Variants in LYSMD3 observed in about 807,000 individuals in gnomAD.
LYSMD3 encodes lysM and putative peptidoglycan-binding domain-containing protein 3.
In LYSMD3, 13 loss-of-function variants were observed where a neutral mutation model predicts 26.1. That is an observed-to-expected ratio of 0.50 (90% CI 0.32 to 0.79). The LOEUF is 0.79. Among genes scored for constraint, LYSMD3 ranks in the 30% least tolerant of loss-of-function variants. LYSMD3 has a pLI of 0.03. For synonymous variants in LYSMD3, 109 were observed against 119.4 expected (o/e 0.91, Z 0.57); for missense variants, 331 against 362.5 (o/e 0.91, Z 0.71).
chr5:90,527,411 ATT>A (rs71614754), intron 1 of LYSMD3, among the ~76,000 whole-genome samples: 61 of 140,644 alleles, frequency 4.3e-4, no homozygotes, highest in African/African-American at 1.1e-3. Context: ...TATTAATGGT[ATT>A]TTTTTTTTTT....
chr5:90,528,749 A>G (rs1042539690), intron 1 of LYSMD3, among the ~76,000 whole-genome samples: 5 of 152,188 alleles, frequency 3.3e-5, no homozygotes, highest in Non-Finnish European at 7.3e-5. Flanking sequence ...CCCTTTCAGA[A>G]ACTTGGAACA....
rs183887086 is a variant in LYSMD3, at chr5:90,522,576, T to C, written c.255+2459A>G. Among the ~76,000 whole-genome samples the C allele has an allele frequency of 3.2e-4, 49 of 152,330 alleles. 1 individual carries two copies. The highest frequency in any genetic ancestry group is 2.7e-3 in the Admixed American group (42 of 15,296). On this transcript the variant is annotated intron_variant, in intron 2 of 2. Coordinates refer to ENST00000315948, the MANE Select transcript of LYSMD3 (RefSeq NM_198273.2). ...TTTATTATTCCAGTAATCTCTTTAT[T>C]GGATCCCCTTCAATTCATCAGCAGG... is the stretch of plus-strand genomic sequence containing the variant.
chr5:90,518,699 TA>T lies in LYSMD3; in HGVS notation c.*119del, dbSNP rs1269178113. The T allele has an allele frequency of 9.3e-6, 10 of 1,078,456 alleles. No individual in the cohort carries two copies. The highest frequency in any genetic ancestry group is 1.3e-5 in the Non-Finnish European group (10 of 762,178). 66.8% of individuals were successfully genotyped at this position (1,078,456 alleles called of 1,614,324 possible). A position where few individuals can be genotyped will look rare whatever the true frequency, so the allele number is the denominator to read the frequency against. On this transcript the variant is annotated 3_prime_UTR_variant, in exon 3 of 3. Transcript: ENST00000315948. ...TTTTCAAAGTGTGAAACCCTTTTGT[TA>T]AAAACAAAAGCATCCTCAATCTCTC...
At chr5:90,520,817 G>T (rs1753071718) in intron 2 of LYSMD3, among the ~76,000 whole-genome samples, 1 of 152,034 alleles carries the variant, frequency 6.6e-6, no homozygotes, top group Non-Finnish European at 1.5e-5. Context: ...TACTCCGGAG[G>T]CTGAGGCAGG....
chr5:90,518,666 T>G lies in LYSMD3; in HGVS notation c.*153A>C, dbSNP rs183959778. ...GCTCTCAACATCAACAACTAGTTGC[T>G]CAAAAAATTTTCAAAGTGTGAAACC... is the stretch of plus-strand genomic sequence containing the variant. On this transcript the variant is annotated 3_prime_UTR_variant, in exon 3 of 3. Transcript: ENST00000315948. The G allele has an allele frequency of 1.2e-5, 8 of 655,062 alleles. No individual in the cohort carries two copies. In the African/African-American group the frequency reaches 1.3e-4, roughly 10 times the overall value. The allele number at this position is 655,062 out of a possible 1,614,324, so 40.6% of individuals were successfully genotyped here. A position where few individuals can be genotyped will look rare whatever the true frequency, so the allele number is the denominator to read the frequency against.
In LYSMD3 at chr5:90,519,197, G is replaced by T. The variant is rs938277951; in HGVS notation, c.543C>A (p.Asn181Lys). 7 of 1,613,822 alleles carry T rather than the reference G, an allele frequency of 4.3e-6. No homozygotes were observed. The Admixed American group carries it at 1.0e-4, about 23-fold the overall frequency. Residue 181 changes from asparagine to lysine, a missense_variant, in exon 3 of 3, where the codon AAC (asparagine) becomes AAA (lysine). Asn to Lys is a moderately conservative substitution (Grantham distance 94). This residue lies in a region of LYSMD3 where 262 missense variants were observed against 267.3 expected (regional missense o/e 0.98). Coordinates refer to ENST00000315948, the MANE Select transcript of LYSMD3 (RefSeq NM_198273.2). ...TTAAGGCCGATACTACCTCATTGAG[G>T]TTCTCTCTCTTATTGTCTGTACACT... ...IVKCTDNKRE[N>K]LNEVVSALTA...
rs1752954716 is a variant in LYSMD3 at position 90,516,542 on chromosome 5, A to T, written c.*2277T>A. 1 of 152,158 alleles carries T rather than the reference A, an allele frequency of 6.6e-6. No individual in the cohort carries two copies. Among genetic ancestry groups the T allele is most frequent in the African/African-American group, 2.4e-5 (1 of 41,466 alleles). 9.4% of individuals were successfully genotyped at this position (152,158 alleles called of 1,614,324 possible). On this transcript the variant is annotated 3_prime_UTR_variant, in exon 3 of 3. Coordinates refer to ENST00000315948, the MANE Select transcript of LYSMD3 (RefSeq NM_198273.2). ...ATACAAGGTAATTTGCATTTGATAT[A>T]AACTTAACTTACATTAGTACTTTTT...
At chr5:90,529,171 G>C (rs1753298274) in intron 1 of LYSMD3, among the ~76,000 whole-genome samples, 1 of 152,222 alleles carries the variant, frequency 6.6e-6, no homozygotes, top group Non-Finnish European at 1.5e-5. Context: ...TGGGAGAAAT[G>C]CTGTGTTTGG....
Position 90,517,920 on chromosome 5 carries a change from A to C in LYSMD3, c.*899T>G, listed in dbSNP as rs890126134. 5 of 152,520 alleles carry C rather than the reference A, an allele frequency of 3.3e-5. No homozygotes were observed. Among genetic ancestry groups the C allele is most frequent in the Admixed American group, 2.6e-4 (4 of 15,270 alleles). 9.4% of individuals were successfully genotyped at this position (152,520 alleles called of 1,614,324 possible). A position where few individuals can be genotyped will look rare whatever the true frequency, so the allele number is the denominator to read the frequency against. On this transcript the variant is annotated 3_prime_UTR_variant, in exon 3 of 3. Transcript: ENST00000315948. ...AATTCTGAAACTTGGATTTACTTAC[A>C]TAAAGCAGTAAGGCATTAAATGTAA...
Position 90,519,268 on chromosome 5 carries a change from C to CACTTTTTAAAAGAGTCACTGTA in LYSMD3, c.471_472insTACAGTGACTCTTTTAAAAAGT (p.Gly158TyrfsTer9). On this transcript the variant is annotated frameshift_variant, in exon 3 of 3. Coordinates refer to ENST00000315948, the MANE Select transcript of LYSMD3 (RefSeq NM_198273.2). LOFTEE classifies it high-confidence loss of function. ...CGGTCTACTTCTTTTAAAAAGCTAC[C>CACTTTTTAAAAGAGTCACTGTA]AGCTGAGTCACTGTAAGCAAGAGAA... 1 of 1,613,930 alleles carries CACTTTTTAAAAGAGTCACTGTA rather than the reference C, an allele frequency of 6.2e-7. No individual in the cohort carries two copies. Among genetic ancestry groups the CACTTTTTAAAAGAGTCACTGTA allele is most frequent in the Non-Finnish European group, 8.5e-7 (1 of 1,179,978 alleles).
At position 90,523,910 on chromosome 5, in the gene LYSMD3, CCTG is replaced by C. The variant is rs1359941627; in HGVS notation, c.255+1122_255+1124del. Among the ~76,000 whole-genome samples the C allele has an allele frequency of 9.9e-5, 15 of 152,142 alleles. No homozygotes were observed. In the South Asian group the frequency reaches 2.1e-3, roughly 21 times the overall value. Reference sequence around the variant, plus strand: ...CATATCAATGTGGATATAAAAATATCCTGCTAAGGCCTCAAGATGGACATAATG... The same window carrying C: ...CATATCAATGTGGATATAAAAATATCCTAAGGCCTCAAGATGGACATAATG... On this transcript the variant is annotated intron_variant, in intron 2 of 2. Coordinates refer to ENST00000315948, the MANE Select transcript of LYSMD3 (RefSeq NM_198273.2).
chr5:90,525,171 T>C lies in LYSMD3; in HGVS notation c.119A>G (p.Tyr40Cys), dbSNP rs763144393. The C allele has an allele frequency of 1.9e-6, 3 of 1,614,054 alleles. No homozygotes were observed. Among genetic ancestry groups the C allele is most frequent in the Non-Finnish European group, 2.5e-6 (3 of 1,180,028 alleles). Residue 40 changes from tyrosine to cysteine, a missense_variant, in exon 2 of 3, where the codon TAT becomes TGT. Around this residue, in one of 3 missense-constraint regions of LYSMD3, gnomAD observed 262 missense variants for 267.3 expected, o/e 0.98. Transcript: ENST00000315948. ...SDILEEDAEVYELRSRGKEKV... is the reference protein window; with the variant it reads ...SDILEEDAEVCELRSRGKEKV... ...CTCTTTTCCTCTGGATCGAAGTTCATACACTTCAGCATCCTCCTCCAAAAT... is the reference window on the plus strand; with the variant it reads ...CTCTTTTCCTCTGGATCGAAGTTCACACACTTCAGCATCCTCCTCCAAAAT...
intron 2 of LYSMD3, among the ~76,000 whole-genome samples, chr5:90,523,252 C>G (rs1017829093): frequency 1.1e-4 from 17 of 151,950 alleles, no homozygotes; most frequent in Non-Finnish European, 2.9e-5. Context: ...CCAGCTCTTA[C>G]ACCACATCAA....
chr5:90,519,295 C>T lies in LYSMD3; in HGVS notation c.445G>A (p.Asp149Asn), dbSNP rs750452073. The change falls in exon 3 of 3, where the codon GAT becomes AAT. Residue 149 changes from aspartate to asparagine, a missense_variant. This residue lies in a region of LYSMD3 where 262 missense variants were observed against 267.3 expected (regional missense o/e 0.98). Coordinates refer to ENST00000315948, the MANE Select transcript of LYSMD3 (RefSeq NM_198273.2). ...SEQQEILPANDSLAYSDSAGS... is the reference protein window; with the variant it reads ...SEQQEILPANNSLAYSDSAGS... ...GCTGAGTCACTGTAAGCAAGAGAAT[C>T]ATTAGCTGGCAAAATTTCCTGTTGT... 2 of 1,614,040 alleles carry T rather than the reference C, an allele frequency of 1.2e-6. No individual in the cohort carries two copies. The highest frequency in any genetic ancestry group is 1.7e-6 in the Non-Finnish European group (2 of 1,180,000).
chr5:90,524,006 T>C (rs372170994), intron 2 of LYSMD3, among the ~76,000 whole-genome samples: 7 of 152,262 alleles, frequency 4.6e-5, no homozygotes, highest in East Asian at 1.9e-4. Flanking sequence ...CCTTTCCTCT[T>C]ATCTGGCAAT....
Position 90,519,488 on chromosome 5 carries a change from T to TA in LYSMD3, c.256-5_256-4insT, listed in dbSNP as rs1554042271. 6 of 1,545,826 alleles carry TA rather than the reference T, an allele frequency of 3.9e-6. No homozygotes were observed. The highest frequency in any genetic ancestry group is 5.2e-6 in the Non-Finnish European group (6 of 1,150,500). Reference sequence around the variant, plus strand: ...TAACTCTCTTGATATCTGCTACCTGTGGGGGGGAAAAAAAAGCAACATACA... The same window carrying TA: ...TAACTCTCTTGATATCTGCTACCTGTAGGGGGGGAAAAAAAAGCAACATACA... On this transcript the variant is annotated splice_polypyrimidine_tract_variant and splice_region_variant and intron_variant, in intron 2 of 2. Transcript: ENST00000315948.
chr5:90,519,779 A>G (rs778587422), intron 2 of LYSMD3, among the ~76,000 whole-genome samples: 10 of 152,072 alleles, frequency 6.6e-5, no homozygotes, highest in Non-Finnish European at 1.3e-4. Context: ...TTTGTGCATC[A>G]TGCATAAATA....
chr5:90,522,878 A>C (rs1032816048), intron 2 of LYSMD3, among the ~76,000 whole-genome samples: 1 of 152,206 alleles, frequency 6.6e-6, no homozygotes, highest in Non-Finnish European at 1.5e-5. Context: ...TGCCTGAAAC[A>C]TCTTTACACC....
intron 1 of LYSMD3, among the ~76,000 whole-genome samples, chr5:90,528,264 A>G (rs1753273589): frequency 6.6e-6 from 1 of 152,212 alleles, no homozygotes; most frequent in Admixed American, 6.5e-5. Flanking sequence ...ATCCATGATC[A>G]AAAAAGTTAA....
Sources: allele counts gnomAD v4.1 joint callset (sites outside exome capture counted in the v4.1 genomes callset), GRCh38; gene constraint gnomAD v4.1.1; regional missense constraint gnomAD v4.1.1; transcripts MANE v1.5; gene names NCBI Gene and HGNC (gene_info 2026-07-23, HGNC 2026-07-21).